TANC1: variants seen among roughly 807,000 people sequenced by gnomAD.
TANC1 encodes the protein tetratricopeptide repeat, ankyrin repeat and coiled-coil containing 1.
TANC1 carries 77 observed loss-of-function variants against 149.7 expected under a neutral mutation model. The ratio of observed to expected loss-of-function variants is 0.51; its 90% confidence interval spans 0.43 to 0.62. The LOEUF (loss-of-function observed/expected upper bound fraction) is 0.62, where lower values mean the gene tolerates loss of function less well. TANC1 is among the 20% of genes least tolerant of loss of function. The pLI is 0.00. For synonymous variants in TANC1, 854 were observed against 925.0 expected (o/e 0.92, Z 1.39); for missense variants, 1,985 against 2,321.8 (o/e 0.85, Z 2.98).
At chr2:159,033,388 C>T (rs1261051355) in intron 2 of TANC1, among the ~76,000 whole-genome samples, 2 of 152,120 alleles carry the variant, frequency 1.3e-5, no homozygotes, top group Non-Finnish European at 2.9e-5. Flanking sequence ...AATGTATGAC[C>T]GGTTCACAGA....
intron 5 of TANC1, among the ~76,000 whole-genome samples, chr2:159,144,110 G>A (rs2051775736): frequency 6.6e-6 from 1 of 151,910 alleles, no homozygotes; most frequent in Non-Finnish European, 1.5e-5. Flanking sequence ...TAAAAATAGA[G>A]ATGAGAAAAT....
chr2:159,086,449 T>C (rs944141425), intron 3 of TANC1, among the ~76,000 whole-genome samples: 1 of 152,006 alleles, frequency 6.6e-6, no homozygotes, highest in African/African-American at 2.4e-5. Flanking sequence ...TGGAGCTACA[T>C]GGACAAGGGC....
intron 1 of TANC1, among the ~76,000 whole-genome samples, chr2:158,983,613 AGCTCCTCAGACTTTT>A (rs1258471832): frequency 5.9e-5 from 9 of 152,118 alleles, no homozygotes; most frequent in African/African-American, 2.2e-4. Flanking sequence ...CAACATGTGA[AGCTCCTCAGACTTTT>A]GTAATGTTTT....
intron 4 of TANC1, among the ~76,000 whole-genome samples, chr2:159,105,550 A>G (rs1282725445): frequency 6.6e-6 from 1 of 152,196 alleles, no homozygotes; most frequent in East Asian, 1.9e-4. Flanking sequence ...CAGTGGAATT[A>G]CAAAAAGAAG....
rs189615420 is a variant in TANC1 at position 159,027,456 on chromosome 2, G to A, written c.-16+26267G>A. 3.7e-3 allele frequency among the ~76,000 whole-genome samples: 566 copies of A among 152,192 alleles called. 2 individuals are homozygous for A. The highest frequency in any genetic ancestry group is 3.3e-3 in the Non-Finnish European group (225 of 68,012). On this transcript the variant is annotated intron_variant, in intron 2 of 26. Transcript: ENST00000263635. ...TTCCAGTACTTTGTTCCTCATTTCC[G>A]TCTGAGACCTTGTCGGAATGGCCTT... is the stretch of plus-strand genomic sequence containing the variant.
Position 159,001,781 on chromosome 2 carries a change from C to T in TANC1, c.-16+592C>T, listed in dbSNP as rs1050791257. 9.2e-5 allele frequency among the ~76,000 whole-genome samples: 14 copies of T among 152,282 alleles called. No individual in the cohort carries two copies. Among genetic ancestry groups the T allele is most frequent in the Middle Eastern group, 3.4e-3 (1 of 294 alleles). Reference sequence around the variant, plus strand: ...GTCATACATCCAGAAATGGTAGGGGCTGGGCTCAACCAGATCCTCACACTC... The same window carrying T: ...GTCATACATCCAGAAATGGTAGGGGTTGGGCTCAACCAGATCCTCACACTC... On this transcript the variant is annotated intron_variant, in intron 2 of 26. Coordinates refer to ENST00000263635, the MANE Select transcript of TANC1 (RefSeq NM_033394.3). The surrounding 1 kb of genome is among the most constrained non-coding windows in gnomAD (Gnocchi z 4.3).
intron 5 of TANC1, among the ~76,000 whole-genome samples, chr2:159,144,861 T>C (rs1253989930): frequency 2.0e-5 from 3 of 152,176 alleles, no homozygotes; most frequent in African/African-American, 7.2e-5. Context: ...AGAGGATTAA[T>C]GTCAAACCAA....
chr2:159,107,795 C>G (rs1224812918), intron 4 of TANC1, among the ~76,000 whole-genome samples: 1 of 152,086 alleles, frequency 6.6e-6, no homozygotes, highest in Non-Finnish European at 1.5e-5. Flanking sequence ...CTCCTTTTCT[C>G]TAGGTGAGAA....
intron 11 of TANC1, among the ~76,000 whole-genome samples, chr2:159,173,434 G>A (rs570631570): frequency 8.5e-5 from 13 of 152,086 alleles, no homozygotes; most frequent in Admixed American, 5.9e-4. Flanking sequence ...TTGAAACCTC[G>A]TCTCTACTAA....
intron 19 of TANC1, among the ~76,000 whole-genome samples, chr2:159,200,652 C>T (rs13424249): frequency 0.26 from 40,113 of 152,100 alleles, 5,477 homozygotes; most frequent in Non-Finnish European, 0.31. Context: ...GCTAAAGACA[C>T]ACATGAGAAA....
intron 1 of TANC1, among the ~76,000 whole-genome samples, chr2:158,987,519 C>T (rs984113359): frequency 6.6e-6 from 1 of 152,084 alleles, no homozygotes; most frequent in South Asian, 2.1e-4. Flanking sequence ...CAGAGCGAGA[C>T]CCTGTCTCAA....
chr2:159,185,660 G>C (rs2056903510), intron 14 of TANC1, 131 bp from the exon 15 acceptor site: 2 of 637,896 alleles, frequency 3.1e-6, no homozygotes, highest in Non-Finnish European at 5.5e-6. Context: ...GAGACCCTTA[G>C]CCTCCCGGAG....
intron 4 of TANC1, among the ~76,000 whole-genome samples, chr2:159,103,215 A>C (rs2046904967): frequency 1.0e-5 from 1 of 95,668 alleles, no homozygotes; most frequent in African/African-American, 2.9e-5. Flanking sequence ...ACTTTTGTCC[A>C]GTGATATTTA....
At chr2:159,224,423 C>T in intron 23 of TANC1, 59 bp downstream of exon 23, 1 of 1,601,326 alleles carries the variant, frequency 6.2e-7, no homozygotes, top group Non-Finnish European at 8.5e-7. Context: ...TTGTAGAAGC[C>T]TAGACAGCAC....
intron 4 of TANC1, among the ~76,000 whole-genome samples, chr2:159,133,649 A>ATG (rs2050342531): frequency 6.6e-6 from 1 of 151,920 alleles, no homozygotes; most frequent in South Asian, 2.1e-4. Context: ...ATGTGTGGAT[A>ATG]TATATATATG....
At chr2:158,981,515 A>ATG (rs1312570605) in intron 1 of TANC1, among the ~76,000 whole-genome samples, 1 of 117,718 alleles carries the variant, frequency 8.5e-6, no homozygotes, top group Admixed American at 8.4e-5. Flanking sequence ...ATATATATAT[A>ATG]TATATATATA....
At chr2:159,159,736 G>C (rs2053842775) in intron 7 of TANC1, among the ~76,000 whole-genome samples, 1 of 133,374 alleles carries the variant, frequency 7.5e-6, no homozygotes. Flanking sequence ...GAGAGAGAGA[G>C]AGAGAGAGAG....
rs111577272 is a variant in TANC1 at position 159,194,437 on chromosome 2, G to A, written c.2923G>A (p.Ala975Thr). Residue 975 changes from alanine to threonine, a missense_variant, in exon 17 of 27, where the codon GCA becomes ACA. By Grantham distance (58) the Ala-to-Thr change is moderately conservative (BLOSUM62 0). This residue lies in a region of TANC1 where 508 missense variants were observed against 714.2 expected (regional missense o/e 0.71). Transcript: ENST00000263635. ...GAACGGCATGACTGCCCTCTGTTAC[G>A]CAGCAGCTGCTGGCCACATGAAGCT... ...SENGMTALCY[A>T]AAAGHMKLVC... 2.5e-6 allele frequency: 4 copies of A among 1,614,274 alleles called. No individual in the cohort carries two copies. The highest frequency in any genetic ancestry group is 3.4e-6 in the Non-Finnish European group (4 of 1,180,056).
In TANC1 at chr2:158,991,399, A is replaced by C. The variant is rs981283671; in HGVS notation, c.-125-9681A>C. Reference sequence around the variant, plus strand: ...TGAGGTAGGTTTATGTGTGCTCTTAAGGAAAATTTTCCAAGAATATTATTT... The same window carrying C: ...TGAGGTAGGTTTATGTGTGCTCTTACGGAAAATTTTCCAAGAATATTATTT... On this transcript the variant is annotated intron_variant, in intron 1 of 26. Transcript: ENST00000263635. 6.6e-5 allele frequency among the ~76,000 whole-genome samples: 10 copies of C among 152,306 alleles called. No individual in the cohort carries two copies. The East Asian group carries it at 1.9e-3, about 29-fold the overall frequency.
Sources: allele counts gnomAD v4.1 joint callset (sites outside exome capture counted in the v4.1 genomes callset), GRCh38; gene constraint gnomAD v4.1.1; regional missense constraint gnomAD v4.1.1; non-coding constraint Gnocchi (gnomAD v3.1); transcripts MANE v1.5; gene names NCBI Gene and HGNC (gene_info 2026-07-23, HGNC 2026-07-21).